The following STK32B variants were observed in gnomAD, a reference collection of about 807,000 sequenced individuals.
STK32B encodes serine/threonine kinase 32B.
STK32B carries 43 observed loss-of-function variants against 52.6 expected under a neutral mutation model. The ratio of observed to expected loss-of-function variants is 0.82; its 90% CI spans 0.64 to 1.05. STK32B has a LOEUF of 1.05. Among genes scored for constraint, STK32B ranks in the 50% least tolerant of loss-of-function variants. The pLI is 0.00. For missense variants in STK32B, 621 were observed against 534.6 expected, an observed-to-expected ratio of 1.16 and a Z score of -1.59; for synonymous variants, 238 against 204.3, an observed-to-expected ratio of 1.17 and a Z score of -1.41.
intron 4 of STK32B, among the ~76,000 whole-genome samples, chr4:5,353,554 AAAT>A (rs577770689): frequency 1.7e-4 from 26 of 151,970 alleles, no homozygotes; most frequent in African/African-American, 6.0e-4. Flanking sequence ...TAAAAAAAAA[AAAT>A]AAAAATAAAA....
intron 1 of STK32B, among the ~76,000 whole-genome samples, chr4:5,136,345 T>A (rs768526256): frequency 1.6e-4 from 24 of 152,070 alleles, no homozygotes; most frequent in Non-Finnish European, 3.2e-4. Flanking sequence ...GTTTCCCATT[T>A]CTACCCTAGT....
At chr4:5,178,713 C>T (rs1720118592) in intron 3 of STK32B, among the ~76,000 whole-genome samples, 1 of 152,254 alleles carries the variant, frequency 6.6e-6, no homozygotes, top group Non-Finnish European at 1.5e-5. Flanking sequence ...GGGCAACATG[C>T]TGACAGTCTC....
At chr4:5,446,041 C>A (rs996016957) in intron 6 of STK32B, among the ~76,000 whole-genome samples, 3 of 152,222 alleles carry the variant, frequency 2.0e-5, no homozygotes, top group Non-Finnish European at 2.9e-5. Context: ...CCCACCCGTT[C>A]TCCCAGCAAA....
intron 4 of STK32B, among the ~76,000 whole-genome samples, chr4:5,379,283 C>T (rs1038987871): frequency 6.6e-6 from 1 of 152,132 alleles, no homozygotes; most frequent in Non-Finnish European, 1.5e-5. Flanking sequence ...AGAACTTTCA[C>T]CAGGGCCCCC....
intron 3 of STK32B, 28 bp downstream of exon 3, chr4:5,168,478 G>A: frequency 6.3e-7 from 1 of 1,598,252 alleles, no homozygotes; most frequent in South Asian, 1.1e-5. Context: ...CAGGGCTCCT[G>A]TGGGTTCCCC....
At chr4:5,306,645 T>A (rs1365009075) in intron 3 of STK32B, among the ~76,000 whole-genome samples, 1 of 152,178 alleles carries the variant, frequency 6.6e-6, no homozygotes, top group African/African-American at 2.4e-5. Flanking sequence ...CATTCAACAT[T>A]AGCATGGAGA....
intron 3 of STK32B, among the ~76,000 whole-genome samples, chr4:5,205,621 T>A (rs1042551759): frequency 6.6e-6 from 1 of 151,704 alleles, no homozygotes; most frequent in African/African-American, 2.4e-5. Context: ...ATTTCAGAGA[T>A]TTGGGGTTGA....
chr4:5,296,865 T>G (rs1313494751), intron 3 of STK32B, among the ~76,000 whole-genome samples: 1 of 152,180 alleles, frequency 6.6e-6, no homozygotes, highest in Non-Finnish European at 1.5e-5. Flanking sequence ...GTGTCATTGG[T>G]CTTTATATTT....
At chr4:5,021,604 C>G in the STK32B span, among the ~76,000 whole-genome samples, 1 of 152,180 alleles carries the variant, frequency 6.6e-6, no homozygotes, top group Non-Finnish European at 1.5e-5. Context: ...CCAAACAAGT[C>G]CTGCACCATT....
At chr4:5,116,718 T>TCTG (rs1283041847) in intron 1 of STK32B, among the ~76,000 whole-genome samples, 5 of 152,216 alleles carry the variant, frequency 3.3e-5, no homozygotes, top group Admixed American at 3.3e-4. Flanking sequence ...TTGCATTGAA[T>TCTG]CTGCACATCA....
chr4:5,492,747 C>A (rs191594195), intron 11 of STK32B, among the ~76,000 whole-genome samples: 1 of 151,268 alleles, frequency 6.6e-6, no homozygotes, highest in African/African-American at 2.5e-5. Flanking sequence ...TGAGATACGT[C>A]CCATCAATAC....
At chr4:5,481,994 A>T (rs1718754858) in intron 11 of STK32B, among the ~76,000 whole-genome samples, 1 of 152,180 alleles carries the variant, frequency 6.6e-6, no homozygotes, top group Admixed American at 6.6e-5. Flanking sequence ...GTAGTCTTGT[A>T]GTACAGTTTG....
intron 3 of STK32B, among the ~76,000 whole-genome samples, chr4:5,330,869 T>C (rs1316328311): frequency 6.6e-6 from 1 of 152,188 alleles, no homozygotes; most frequent in African/African-American, 2.4e-5. Context: ...GGCTAGCTCC[T>C]ACGAACAGTG....
intron 3 of STK32B, among the ~76,000 whole-genome samples, chr4:5,240,580 C>T (rs1724955756): frequency 6.6e-6 from 1 of 152,150 alleles, no homozygotes; most frequent in African/African-American, 2.4e-5. Flanking sequence ...CTGCCTCAGC[C>T]TCCCAAAGAG....
At chr4:5,247,139 G>C (rs1270876946) in intron 3 of STK32B, among the ~76,000 whole-genome samples, 1 of 152,218 alleles carries the variant, frequency 6.6e-6, no homozygotes, top group African/African-American at 2.4e-5. Context: ...GGTTATTGCT[G>C]TCTTTTGTTT....
chr4:5,446,864 C>T (rs764298109), intron 7 of STK32B, 88 bp downstream of exon 7: 8 of 1,349,916 alleles, frequency 5.9e-6, no homozygotes, highest in African/African-American at 1.4e-5. Context: ...GCAGGGCCCG[C>T]GGTGCAGGAA....
At chr4:5,481,219 T>C (rs1718674331) in intron 11 of STK32B, among the ~76,000 whole-genome samples, 1 of 152,342 alleles carries the variant, frequency 6.6e-6, no homozygotes, top group Admixed American at 6.5e-5. Context: ...AGTGTTCCTA[T>C]TTCTCCACAT....
At chr4:5,224,359 T>C (rs1389980338) in intron 3 of STK32B, among the ~76,000 whole-genome samples, 1 of 152,182 alleles carries the variant, frequency 6.6e-6, no homozygotes, top group East Asian at 1.9e-4. Flanking sequence ...CCTGCATATC[T>C]TTTTTGGAGG....
intron 11 of STK32B, among the ~76,000 whole-genome samples, chr4:5,485,316 T>G (rs376747312): frequency 9.8e-5 from 15 of 152,306 alleles, no homozygotes; most frequent in Middle Eastern, 3.4e-3. Context: ...TGAACTTCTC[T>G]TCTCGATTCT....
Sources: allele counts gnomAD v4.1 joint callset (sites outside exome capture counted in the v4.1 genomes callset), GRCh38; gene constraint gnomAD v4.1.1; transcripts MANE v1.5; gene names NCBI Gene and HGNC (gene_info 2026-07-23, HGNC 2026-07-21).